Variants in VCAN observed in about 807,000 individuals in gnomAD.
VCAN encodes the protein versican, also known as versican core protein.
VCAN carries 44 observed loss-of-function variants against 245.5 expected under a neutral mutation model. That is an observed-to-expected ratio of 0.18 (90% confidence interval 0.14 to 0.23). The LOEUF (loss-of-function observed/expected upper bound fraction) is 0.23, where lower values mean the gene tolerates loss of function less well. Among genes scored for constraint, VCAN ranks in the 10% least tolerant of loss-of-function variants. The pLI is 1.00. For missense variants in VCAN, 3,793 were observed against 4,057.9 expected (o/e 0.93, Z 1.77); for synonymous variants, 1,413 against 1,437.0 (o/e 0.98, Z 0.38).
intron 11 of VCAN, among the ~76,000 whole-genome samples, chr5:83,553,879 A>G (rs1265598152): frequency 2.6e-5 from 4 of 152,192 alleles, no homozygotes; most frequent in Non-Finnish European, 5.9e-5. Context: ...TCTATTTTGA[A>G]TATTTATATG....
chr5:83,485,427 G>A (rs1252407863), intron 2 of VCAN, among the ~76,000 whole-genome samples: 3 of 150,496 alleles, frequency 2.0e-5, no homozygotes, highest in Non-Finnish European at 3.0e-5. Context: ...AAAAAGTCTA[G>A]ATTTTATTCC....
At chr5:83,527,687 A>G (rs932195505) in intron 7 of VCAN, among the ~76,000 whole-genome samples, 4 of 152,312 alleles carry the variant, frequency 2.6e-5, no homozygotes, top group East Asian at 3.9e-4. Flanking sequence ...ACACATATAG[A>G]ATCTCAATAT....
rs186544077 is a variant in VCAN at position 83,519,763 on chromosome 5, C to T, written c.1457C>T (p.Ser486Leu). ...GTGGAAGATAAACAAACACAAGAAT[C>T]GGTTACACAGATTGAACAAATAGAA... ...GVVEDKQTQE[S>L]VTQIEQIEVG... The change falls in exon 7 of 15, where the codon TCG becomes TTG. Residue 486 changes from serine (S) to leucine (L), a missense_variant. By Grantham distance (145) the Ser-to-Leu change is moderately radical. Coordinates refer to ENST00000265077, the MANE Select transcript of VCAN (RefSeq NM_004385.5). 5.2e-5 allele frequency: 84 copies of T among 1,614,118 alleles called. No individual in the cohort carries two copies. The East Asian group carries it at 1.0e-3, about 20-fold the overall frequency.
chr5:83,530,153 G>T (rs1746462998), intron 7 of VCAN, among the ~76,000 whole-genome samples: 1 of 152,084 alleles, frequency 6.6e-6, no homozygotes, highest in Non-Finnish European at 1.5e-5. Context: ...GGACCTAAGA[G>T]TAGAATTTAT....
At chr5:83,485,060 C>G (rs938637327) in intron 2 of VCAN, among the ~76,000 whole-genome samples, 2 of 152,132 alleles carry the variant, frequency 1.3e-5, no homozygotes, top group African/African-American at 4.8e-5. Context: ...TCCCTATGAT[C>G]CAGGAACTGT....
rs1359702424 is a variant in VCAN at position 83,563,864 on chromosome 5, C to T, written c.9736-8552C>T. ...ACGCTGCAGACATTGCATTTGTGTG[C>T]TTAGGTGTTTATCTATGATCTGACC... is the stretch of plus-strand genomic sequence containing the variant. On this transcript the variant is annotated intron_variant, in intron 12 of 14. Coordinates refer to ENST00000265077, the MANE Select transcript of VCAN (RefSeq NM_004385.5). Among the ~76,000 whole-genome samples, 2 of 151,864 alleles carry T rather than the reference C, an allele frequency of 1.3e-5. 1 individual carries two copies. Among genetic ancestry groups the T allele is most frequent in the Admixed American group, 1.3e-4 (2 of 15,262 alleles).
rs747866757 is a variant in VCAN at position 83,541,701 on chromosome 5, C to T, written c.8698C>T (p.Pro2900Ser). The stretch of plus-strand genomic sequence containing the variant: ...TTTATCTCCTGACACAAAATTAGAA[C>T]CTTCAGAAGATGATGGTAAACCTGA... ...PSLSPDTKLE[P>S]SEDDGKPELL... Residue 2900 changes from proline to serine, a missense_variant, in exon 8 of 15, where the codon CCT (proline) becomes TCT (serine). Physicochemically the swap from Pro to Ser is moderately conservative, Grantham distance 74 (BLOSUM62 -1). Transcript: ENST00000265077. 2.5e-6 allele frequency: 4 copies of T among 1,613,840 alleles called. No homozygotes were observed. Among genetic ancestry groups the T allele is most frequent in the Admixed American group, 1.7e-5 (1 of 59,992 alleles).
At chr5:83,475,257 A>C (rs1306337253) in intron 1 of VCAN, among the ~76,000 whole-genome samples, 1 of 152,190 alleles carries the variant, frequency 6.6e-6, no homozygotes, top group South Asian at 2.1e-4. Context: ...TGAGCTGGAA[A>C]CCTGGAGAAG....
In VCAN at chr5:83,554,940, G is replaced by A. The variant is rs746852534; in HGVS notation, c.9653-16G>A. The A allele has an allele frequency of 2.5e-6, 4 of 1,611,902 alleles. No homozygotes were observed. The highest frequency in any genetic ancestry group is 2.2e-5 in the South Asian group (2 of 91,052). On this transcript the variant is annotated splice_polypyrimidine_tract_variant and intron_variant, in intron 11 of 14. Coordinates refer to ENST00000265077, the MANE Select transcript of VCAN (RefSeq NM_004385.5). The stretch of plus-strand genomic sequence containing the variant: ...GAAAAGTAGTACAAATATCTGTGTG[G>A]TTTCCTATCCCTTAGGTGTGGGCCA...
chr5:83,518,961 C>T (rs890533841), intron 6 of VCAN, among the ~76,000 whole-genome samples: 8 of 152,052 alleles, frequency 5.3e-5, no homozygotes, highest in African/African-American at 1.2e-4. Context: ...AATTCTCCTG[C>T]GAGGCTTCAA....
intron 8 of VCAN, among the ~76,000 whole-genome samples, chr5:83,543,426 A>T (rs894547735): frequency 6.6e-6 from 1 of 152,216 alleles, no homozygotes; most frequent in Non-Finnish European, 1.5e-5. Context: ...CTATCGTTAA[A>T]ATTATTCTTC....
chr5:83,580,503 C>T lies in VCAN; in HGVS notation c.*69C>T. ...TCCTAACTTCCTGTGCCTTTCCTAT[C>T]ACCTCGAGAAGTAATTATCAGTTGG... On this transcript the variant is annotated 3_prime_UTR_variant, in exon 15 of 15. Coordinates refer to ENST00000265077, the MANE Select transcript of VCAN (RefSeq NM_004385.5). The T allele has an allele frequency of 1.3e-6, 2 of 1,599,386 alleles. No individual in the cohort carries two copies. Among genetic ancestry groups the T allele is most frequent in the South Asian group, 2.2e-5 (2 of 88,980 alleles).
chr5:83,579,897 TAAAG>T lies in VCAN; in HGVS notation c.9881-77_9881-74del, dbSNP rs1382522671. 5 of 1,465,206 alleles carry T rather than the reference TAAAG, an allele frequency of 3.4e-6. No homozygotes were observed. The African/African-American group carries it at 4.2e-5, about 12-fold the overall frequency. 90.8% of individuals were successfully genotyped at this position (1,465,206 alleles called of 1,614,324 possible). ...GATGAAGTTGCTTACTTTGGTACCA[TAAAG>T]AAAGAGAGAAAAATAAGAGACTCAT... On this transcript the variant is annotated intron_variant, in intron 13 of 14. Coordinates refer to ENST00000265077, the MANE Select transcript of VCAN (RefSeq NM_004385.5).
chr5:83,552,358 T>C (rs1747501705), intron 10 of VCAN, among the ~76,000 whole-genome samples: 1 of 152,202 alleles, frequency 6.6e-6, no homozygotes, highest in Non-Finnish European at 1.5e-5. Context: ...TGTTGGTGCC[T>C]GAAATTCTAT....
chr5:83,501,065 T>C (rs1180389400), intron 5 of VCAN, among the ~76,000 whole-genome samples: 1 of 152,212 alleles, frequency 6.6e-6, no homozygotes, highest in Non-Finnish European at 1.5e-5. Context: ...GCTAATGAGC[T>C]CCAACATCTT....
chr5:83,538,804 T>G lies in VCAN; in HGVS notation c.5801T>G (p.Phe1934Cys), dbSNP rs886060824. ...ACAGGTTTTCCTTTGGAGGAAGATTTCAGTGGTGACTTTAGAGAATACTCA... is the reference window on the plus strand; with the variant it reads ...ACAGGTTTTCCTTTGGAGGAAGATTGCAGTGGTGACTTTAGAGAATACTCA... ...FSTGFPLEED[F>C]SGDFREYSTV... The change falls in exon 8 of 15, where the codon TTC (phenylalanine) becomes TGC (cysteine). Residue 1934 changes from phenylalanine (F) to cysteine (C), a missense_variant. Physicochemically the swap from Phe to Cys is radical, Grantham distance 205. Around this residue, in one of 5 missense-constraint regions of VCAN, gnomAD observed 3,182 missense variants for 3,250.3 expected, o/e 0.98. Transcript: ENST00000265077. 2 of 1,613,956 alleles carry G rather than the reference T, an allele frequency of 1.2e-6. No homozygotes were observed. Among genetic ancestry groups the G allele is most frequent in the Admixed American group, 3.3e-5 (2 of 60,006 alleles).
At chr5:83,523,082 T>C (rs1186223979) in intron 7 of VCAN, among the ~76,000 whole-genome samples, 1 of 152,212 alleles carries the variant, frequency 6.6e-6, no homozygotes, top group Non-Finnish European at 1.5e-5. Context: ...TGTGATGCCT[T>C]CTATTCCACT....
intron 5 of VCAN, among the ~76,000 whole-genome samples, chr5:83,501,451 T>C (rs1445405159): frequency 6.6e-6 from 1 of 152,212 alleles, no homozygotes; most frequent in Non-Finnish European, 1.5e-5. Flanking sequence ...TGCTTTTATT[T>C]TGATCCATTT....
At chr5:83,556,662 G>A (rs1366205795) in intron 12 of VCAN, among the ~76,000 whole-genome samples, 3 of 151,920 alleles carry the variant, frequency 2.0e-5, no homozygotes, top group Non-Finnish European at 4.4e-5. Context: ...TTTTCATTTT[G>A]CTGTACTTAG....
Sources: allele counts gnomAD v4.1 joint callset (sites outside exome capture counted in the v4.1 genomes callset), GRCh38; gene constraint gnomAD v4.1.1; regional missense constraint gnomAD v4.1.1; transcripts MANE v1.5; gene names NCBI Gene and HGNC (gene_info 2026-07-23, HGNC 2026-07-21).